PDE8B: variants seen among roughly 807,000 people sequenced by gnomAD.
PDE8B encodes the protein high affinity cAMP-specific and IBMX-insensitive 3',5'-cyclic phosphodiesterase 8B.
A neutral mutation model predicts 101.3 loss-of-function variants in PDE8B; 26 were observed. The observed-to-expected ratio is 0.26, with a 90% CI of 0.19 to 0.36. The LOEUF (loss-of-function observed/expected upper bound fraction) is 0.36. PDE8B is among the 10% of genes least tolerant of loss of function. The pLI is 1.00. For synonymous variants in PDE8B, 424 were observed against 429.3 expected (o/e 0.99, Z 0.15); for missense variants, 810 against 1,163.1 (o/e 0.70, Z 4.42).
chr5:77,274,476 C>T (rs1440075025), intron 1 of PDE8B, among the ~76,000 whole-genome samples: 1 of 152,146 alleles, frequency 6.6e-6, no homozygotes, highest in Non-Finnish European at 1.5e-5. Flanking sequence ...AGTTATTGAG[C>T]ATCTGACATG....
chr5:77,110,429 G>T, the PDE8B span, among the ~76,000 whole-genome samples: 19 of 152,120 alleles, frequency 1.2e-4, no homozygotes, highest in Non-Finnish European at 2.5e-4. Context: ...AAAACTATGG[G>T]TTTCTAATGA....
At chr5:77,400,359 C>A in intron 11 of PDE8B, 69 bp downstream of exon 11, 1 of 997,150 alleles carries the variant, frequency 1.0e-6, no homozygotes, top group South Asian at 1.3e-5. Flanking sequence ...ATACATTTCT[C>A]TGAAGAAGTC....
chr5:77,426,458 G>A lies in PDE8B; in HGVS notation c.2562G>A (p.Leu854=). 1 of 1,611,314 alleles carries A rather than the reference G, an allele frequency of 6.2e-7. No homozygotes were observed. Among genetic ancestry groups the A allele is most frequent in the South Asian group, 1.1e-5 (1 of 90,998 alleles). ...CTGTCTTTGCAGCCTTTGCACATCT[G>A]CCAGCCCTGATGCAACATTTGGCTG... ...MFDAWDAFAH[L]PALMQHLADN... is the part of the protein sequence containing the mutation. The change falls in exon 22 of 22, where the codon CTG becomes CTA. Residue 854 remains leucine, a synonymous_variant. Coordinates refer to ENST00000264917, the MANE Select transcript of PDE8B (RefSeq NM_003719.5).
rs1766963915 is a variant in PDE8B, at chr5:77,290,205, C to T, written c.340-21789C>T. 5.2e-6 allele frequency: 8 copies of T among 1,538,162 alleles called. No individual in the cohort carries two copies. In the South Asian group the frequency reaches 8.3e-5, roughly 16 times the overall value. ...ATTGATGTGGCGCCTGCCTCGCGCA[C>T]TGTGTGTGCACGCTGCAAAGACCAG... is the stretch of plus-strand genomic sequence containing the variant. On this transcript the variant is annotated intron_variant, in intron 1 of 21. Coordinates refer to ENST00000264917, the MANE Select transcript of PDE8B (RefSeq NM_003719.5).
chr5:77,338,145 GCTGA>G (rs1778532130), intron 6 of PDE8B, among the ~76,000 whole-genome samples: 1 of 152,228 alleles, frequency 6.6e-6, no homozygotes, highest in Non-Finnish European at 1.5e-5. Flanking sequence ...TCTCTCTCTG[GCTGA>G]CTGAGAAGTC....
At chr5:77,192,327 A>G in the PDE8B span, among the ~76,000 whole-genome samples, 1 of 152,166 alleles carries the variant, frequency 6.6e-6, no homozygotes, top group Non-Finnish European at 1.5e-5. Context: ...TTCCCAGCCA[A>G]TTCCCAACCC....
At chr5:77,099,418 A>C in the PDE8B span, among the ~76,000 whole-genome samples, 10 of 152,204 alleles carry the variant, frequency 6.6e-5, no homozygotes. Flanking sequence ...AGCAGGAAGT[A>C]ATAAACAAGA....
chr5:77,177,058 T>C, the PDE8B span, among the ~76,000 whole-genome samples: 1 of 152,140 alleles, frequency 6.6e-6, no homozygotes, highest in Non-Finnish European at 1.5e-5. Flanking sequence ...CTTCTTCCTT[T>C]TTCTCTCTCC....
At chr5:77,181,786 C>T in the PDE8B span, among the ~76,000 whole-genome samples, 1 of 152,130 alleles carries the variant, frequency 6.6e-6, no homozygotes, top group Admixed American at 6.6e-5. Context: ...GTTGGACGTG[C>T]AGTGCTAACC....
At chr5:77,415,394 G>A in intron 17 of PDE8B, among the ~76,000 whole-genome samples, 1 of 112,696 alleles carries the variant, frequency 8.9e-6, no homozygotes, top group Non-Finnish European at 1.7e-5. Context: ...GTCTCACTCT[G>A]TCACCCAGGT....
intron 10 of PDE8B, among the ~76,000 whole-genome samples, chr5:77,398,782 C>G (rs1289376972): frequency 6.6e-6 from 1 of 152,208 alleles, no homozygotes; most frequent in South Asian, 2.1e-4. Context: ...CCCACACTCA[C>G]GGGGTGGTCC....
chr5:77,344,747 G>A, intron 6 of PDE8B, 106 bp from the exon 7 acceptor site: 1 of 807,982 alleles, frequency 1.2e-6, no homozygotes, highest in Non-Finnish European at 2.2e-6. Flanking sequence ...ATAACAAAAA[G>A]TACGTAGATT....
At chr5:77,416,612 C>T (rs1190451506) in intron 17 of PDE8B, among the ~76,000 whole-genome samples, 1 of 152,186 alleles carries the variant, frequency 6.6e-6, no homozygotes, top group Admixed American at 6.5e-5. Flanking sequence ...TGATTGGGGT[C>T]ACCCCAGGGT....
At chr5:77,203,356 A>G in the PDE8B span, among the ~76,000 whole-genome samples, 1 of 152,224 alleles carries the variant, frequency 6.6e-6, no homozygotes, top group East Asian at 1.9e-4. Context: ...TTAATTTTTC[A>G]AAGCAAATGT....
At chr5:77,392,305 G>A (rs778318659) in intron 10 of PDE8B, among the ~76,000 whole-genome samples, 4 of 152,154 alleles carry the variant, frequency 2.6e-5, no homozygotes, top group Non-Finnish European at 4.4e-5. Context: ...TGAGGAAGCT[G>A]AGAGGCCAAA....
intron 2 of PDE8B, among the ~76,000 whole-genome samples, chr5:77,313,985 A>G (rs1201560175): frequency 6.6e-6 from 1 of 152,168 alleles, no homozygotes; most frequent in African/African-American, 2.4e-5. Context: ...TTCATTGCCT[A>G]ATCTAAGGTT....
intron 1 of PDE8B, among the ~76,000 whole-genome samples, chr5:77,286,979 C>A (rs578255313): frequency 6.6e-6 from 1 of 152,148 alleles, no homozygotes; most frequent in African/African-American, 2.4e-5. Context: ...CTCCGGATTC[C>A]ATGCTCCTGT....
intron 1 of PDE8B, among the ~76,000 whole-genome samples, chr5:77,249,486 T>G (rs1409912695): frequency 6.6e-6 from 1 of 152,190 alleles, no homozygotes; most frequent in Admixed American, 6.5e-5. Flanking sequence ...TTCTCTGACC[T>G]TTCATGGCTG....
the PDE8B span, among the ~76,000 whole-genome samples, chr5:77,164,478 AG>A: frequency 6.6e-6 from 1 of 152,214 alleles, no homozygotes; most frequent in Non-Finnish European, 1.5e-5. Flanking sequence ...CAGAGGTCAA[AG>A]CTATAGGTTT....
Sources: gnomAD v4.1 joint callset for allele counts (sites outside exome capture counted in the v4.1 genomes callset) on GRCh38, gnomAD v4.1.1 for gene constraint, MANE v1.5 for transcripts, NCBI Gene and HGNC (gene_info 2026-07-23, HGNC 2026-07-21) for gene names.